The following CPQ variants were observed in gnomAD, a reference collection of about 807,000 sequenced individuals.
CPQ encodes the protein Ser-Met dipeptidase.
Under a neutral mutation model 45.7 loss-of-function variants are expected in CPQ, and 37 were observed. That is an observed-to-expected ratio of 0.81 (90% CI 0.62 to 1.07). CPQ has a LOEUF of 1.07. CPQ is among the 50% of genes least tolerant of loss of function. The pLI, the probability that CPQ is intolerant of heterozygous loss-of-function variation, is 0.00. For missense variants in CPQ, 537 were observed against 572.9 expected (o/e 0.94, Z 0.64); for synonymous variants, 186 against 205.8 (o/e 0.90, Z 0.82).
At chr8:96,917,101 G>A (rs1345831072) in intron 4 of CPQ, among the ~76,000 whole-genome samples, 1 of 151,958 alleles carries the variant, frequency 6.6e-6, no homozygotes, top group African/African-American at 2.4e-5. Flanking sequence ...ACACTAAAGA[G>A]TTGTAAGGTG....
chr8:96,786,056 T>C (rs1158716545), intron 2 of CPQ, among the ~76,000 whole-genome samples: 1 of 152,212 alleles, frequency 6.6e-6, no homozygotes, highest in African/African-American at 2.4e-5. Flanking sequence ...ATGATGTTCA[T>C]GCATTTAGAA....
chr8:96,935,800 A>T (rs1455603878), intron 4 of CPQ, among the ~76,000 whole-genome samples: 1 of 152,148 alleles, frequency 6.6e-6, no homozygotes, highest in Admixed American at 6.6e-5. Flanking sequence ...AGCATAAAAT[A>T]CTTTACTTAT....
intron 6 of CPQ, among the ~76,000 whole-genome samples, chr8:97,057,265 A>G (rs1239237141): frequency 6.6e-6 from 1 of 152,204 alleles, no homozygotes; most frequent in African/African-American, 2.4e-5. Context: ...CTGAAATGTG[A>G]CTTAATATTT....
chr8:96,776,180 T>C (rs1563493990), intron 1 of CPQ, among the ~76,000 whole-genome samples: 1 of 152,184 alleles, frequency 6.6e-6, no homozygotes, highest in Non-Finnish European at 1.5e-5. Context: ...GGCAAAAATC[T>C]TCCTTAAGAT....
At chr8:96,661,399 A>G (rs746148137) in intron 1 of CPQ, among the ~76,000 whole-genome samples, 9 of 151,964 alleles carry the variant, frequency 5.9e-5, no homozygotes, top group Admixed American at 4.6e-4. Flanking sequence ...TGTGCTTTCT[A>G]TGGGTTTGGA....
intron 6 of CPQ, among the ~76,000 whole-genome samples, chr8:97,058,732 T>C (rs1810496473): frequency 6.6e-6 from 1 of 152,192 alleles, no homozygotes; most frequent in African/African-American, 2.4e-5. Flanking sequence ...ACCAGTAGCA[T>C]GAAACACTTG....
intron 4 of CPQ, among the ~76,000 whole-genome samples, chr8:96,939,812 G>C (rs1813101721): frequency 6.6e-6 from 1 of 152,150 alleles, no homozygotes; most frequent in East Asian, 1.9e-4. Flanking sequence ...ACATACAAGA[G>C]TTGCTCTAGG....
intron 7 of CPQ, among the ~76,000 whole-genome samples, chr8:97,100,232 G>A (rs556850259): frequency 1.6e-4 from 25 of 152,286 alleles, no homozygotes; most frequent in African/African-American, 5.5e-4. Context: ...TTTGTTGAAC[G>A]AATGGAGATC....
chr8:96,688,768 A>T (rs1809268275), intron 1 of CPQ, among the ~76,000 whole-genome samples: 1 of 152,156 alleles, frequency 6.6e-6, no homozygotes, highest in African/African-American at 2.4e-5. Context: ...GATTGCTAGT[A>T]TATCAATTAG....
At chr8:96,662,597 C>T (rs920380620) in intron 1 of CPQ, among the ~76,000 whole-genome samples, 1 of 152,174 alleles carries the variant, frequency 6.6e-6, no homozygotes, top group Non-Finnish European at 1.5e-5. Context: ...CAATGAATAA[C>T]AGAAACAATT....
At chr8:96,755,357 A>G (rs1404439828) in intron 1 of CPQ, among the ~76,000 whole-genome samples, 1 of 151,878 alleles carries the variant, frequency 6.6e-6, no homozygotes, top group Non-Finnish European at 1.5e-5. Context: ...CAGCTTTGTC[A>G]GAACTATATA....
At chr8:96,777,782 T>C (rs1810635482) in intron 1 of CPQ, among the ~76,000 whole-genome samples, 1 of 115,252 alleles carries the variant, frequency 8.7e-6, no homozygotes, top group South Asian at 3.0e-4. Flanking sequence ...TTTTTTTTTT[T>C]TTTTTTTTTT....
intron 2 of CPQ, among the ~76,000 whole-genome samples, chr8:96,810,384 A>G (rs761063619): frequency 1.3e-5 from 2 of 152,156 alleles, no homozygotes; most frequent in Non-Finnish European, 2.9e-5. Flanking sequence ...AGGACATGTG[A>G]GATTGTGGAA....
At chr8:97,105,686 T>C (rs1205336130) in intron 7 of CPQ, among the ~76,000 whole-genome samples, 1 of 152,200 alleles carries the variant, frequency 6.6e-6, no homozygotes, top group African/African-American at 2.4e-5. Flanking sequence ...TTAGTATATC[T>C]AAAAGCATTG....
At chr8:96,820,797 G>T (rs1811292336) in intron 2 of CPQ, among the ~76,000 whole-genome samples, 1 of 151,978 alleles carries the variant, frequency 6.6e-6, no homozygotes, top group Admixed American at 6.6e-5. Flanking sequence ...TCTCTTTGAT[G>T]TATTGATTTC....
intron 6 of CPQ, among the ~76,000 whole-genome samples, chr8:97,032,353 A>AG (rs1809922424): frequency 6.6e-6 from 1 of 152,144 alleles, no homozygotes; most frequent in Non-Finnish European, 1.5e-5. Flanking sequence ...GCTGGCAGGC[A>AG]GGGGGATAGT....
At chr8:96,698,221 A>G (rs1194958920) in intron 1 of CPQ, among the ~76,000 whole-genome samples, 1 of 152,124 alleles carries the variant, frequency 6.6e-6, no homozygotes, top group Non-Finnish European at 1.5e-5. Flanking sequence ...TATTTTTAGC[A>G]GAGGAACCAA....
intron 5 of CPQ, among the ~76,000 whole-genome samples, chr8:96,994,846 T>G (rs1383676347): frequency 6.6e-6 from 1 of 152,024 alleles, no homozygotes; most frequent in Non-Finnish European, 1.5e-5. Context: ...ATAAAAATAC[T>G]TTATTTCATC....
At chr8:97,118,563 C>T (rs771859938) in intron 7 of CPQ, among the ~76,000 whole-genome samples, 1 of 152,132 alleles carries the variant, frequency 6.6e-6, no homozygotes, top group Non-Finnish European at 1.5e-5. Flanking sequence ...CATTAAAAAC[C>T]TACATAGCAG....
Sources: allele counts gnomAD v4.1 joint callset (sites outside exome capture counted in the v4.1 genomes callset), GRCh38; gene constraint gnomAD v4.1.1; transcripts MANE v1.5; gene names NCBI Gene and HGNC (gene_info 2026-07-23, HGNC 2026-07-21).